The following CCDC178 variants were observed in gnomAD, a reference collection of about 807,000 sequenced individuals.
CCDC178 encodes coiled-coil domain containing 178, also known as coiled-coil domain-containing protein 178.
Under a neutral mutation model 117.4 loss-of-function variants are expected in CCDC178, and 126 were observed. The ratio of observed to expected loss-of-function variants is 1.07; its 90% confidence interval spans 0.93 to 1.24. The LOEUF is 1.24. Among genes scored for constraint, CCDC178 ranks in the 50% most tolerant of loss-of-function variants. The pLI is 0.00. For missense variants in CCDC178, 1,030 were observed against 986.9 expected, an observed-to-expected ratio of 1.04 and a Z score of -0.59; for synonymous variants, 283 against 313.4, an observed-to-expected ratio of 0.90 and a Z score of 1.02.
intron 15 of CCDC178, among the ~76,000 whole-genome samples, chr18:33,243,762 C>A (rs530577472): frequency 6.6e-6 from 1 of 151,314 alleles, no homozygotes; most frequent in Non-Finnish European, 1.5e-5. Flanking sequence ...GTGACAGCCA[C>A]GGGGAAAATA....
At chr18:33,109,316 C>T (rs891764958) in intron 20 of CCDC178, among the ~76,000 whole-genome samples, 4 of 151,514 alleles carry the variant, frequency 2.6e-5, no homozygotes, top group African/African-American at 9.7e-5. Context: ...AGCATTGAAA[C>T]CATAAAATGT....
rs568902335 is a variant in CCDC178 at position 33,268,482 on chromosome 18, C to T, written c.1177-1185G>A. On this transcript the variant is annotated intron_variant, in intron 12 of 22. Transcript: ENST00000383096. ...ATAATAACAAAAGTAATGTTTCAGACGAATAAAAATCTAAATGCAAACACA... is the reference window on the plus strand; with the variant it reads ...ATAATAACAAAAGTAATGTTTCAGATGAATAAAAATCTAAATGCAAACACA... Among the ~76,000 whole-genome samples, 133 of 151,742 alleles carry T rather than the reference C, an allele frequency of 8.8e-4. 1 individual carries two copies. The highest frequency in any genetic ancestry group is 1.7e-3 in the Non-Finnish European group (112 of 67,766).
intron 21 of CCDC178, among the ~76,000 whole-genome samples, chr18:33,064,627 T>C (rs924049095): frequency 6.6e-6 from 1 of 152,202 alleles, no homozygotes; most frequent in Non-Finnish European, 1.5e-5. Flanking sequence ...AATTGTAAGT[T>C]AGGACAGCTG....
chr18:33,303,920 T>C (rs1427496006), intron 11 of CCDC178, among the ~76,000 whole-genome samples: 1 of 152,144 alleles, frequency 6.6e-6, no homozygotes, highest in Non-Finnish European at 1.5e-5. Context: ...TGAAGCATCC[T>C]ATGCAGTTCA....
At chr18:33,373,691 C>CCTAT (rs1234973380) in intron 5 of CCDC178, among the ~76,000 whole-genome samples, 1 of 152,106 alleles carries the variant, frequency 6.6e-6, no homozygotes, top group Admixed American at 6.6e-5. Context: ...TTTATGTTTT[C>CCTAT]CTATCTATCT....
chr18:32,981,358 A>G (rs1251478923), intron 21 of CCDC178, among the ~76,000 whole-genome samples: 4 of 152,246 alleles, frequency 2.6e-5, no homozygotes, highest in East Asian at 3.8e-4. Flanking sequence ...GGGGAATAAT[A>G]ATAGGAAGAG....
chr18:33,096,825 A>T (rs748039601), intron 20 of CCDC178, among the ~76,000 whole-genome samples: 1 of 152,068 alleles, frequency 6.6e-6, no homozygotes, highest in Non-Finnish European at 1.5e-5. Flanking sequence ...TGAGAATTAG[A>T]AAAAGAGTAA....
rs946108734 is a variant in CCDC178 at position 33,005,687 on chromosome 18, T to C, written c.2389-31006A>G. Among the ~76,000 whole-genome samples, 56 of 152,078 alleles carry C rather than the reference T, an allele frequency of 3.7e-4. 1 individual carries two copies. Among genetic ancestry groups the C allele is most frequent in the East Asian group, 1.9e-4 (1 of 5,198 alleles). ...CCTAATTTACTCTGATTATTATGCA[T>C]TGAGTGCCTTTGTTAGACTATTTCA... On this transcript the variant is annotated intron_variant, in intron 21 of 22. Transcript: ENST00000383096.
chr18:33,172,479 A>C (rs773377354), intron 20 of CCDC178, among the ~76,000 whole-genome samples: 8 of 152,086 alleles, frequency 5.3e-5, no homozygotes, highest in Non-Finnish European at 1.0e-4. Context: ...AAGCTATAAT[A>C]ATCATGAAAA....
intron 20 of CCDC178, among the ~76,000 whole-genome samples, chr18:33,191,042 A>G (rs772776374): frequency 5.3e-5 from 8 of 152,148 alleles, no homozygotes; most frequent in Non-Finnish European, 8.8e-5. Context: ...AATTATATGT[A>G]TCAATTATAC....
At chr18:33,379,780 T>G (rs1293381460) in intron 5 of CCDC178, among the ~76,000 whole-genome samples, 1 of 151,848 alleles carries the variant, frequency 6.6e-6, no homozygotes, top group Non-Finnish European at 1.5e-5. Flanking sequence ...ACAAGAAAGG[T>G]AGGGTGGATC....
chr18:33,109,948 C>T (rs1314599577), intron 20 of CCDC178, among the ~76,000 whole-genome samples: 4 of 151,460 alleles, frequency 2.6e-5, no homozygotes, highest in South Asian at 2.1e-4. Flanking sequence ...TTTTGCTGCA[C>T]ATGTGCTCTA....
At chr18:32,997,021 C>A (rs2055525883) in intron 21 of CCDC178, among the ~76,000 whole-genome samples, 1 of 151,962 alleles carries the variant, frequency 6.6e-6, no homozygotes, top group Non-Finnish European at 1.5e-5. Context: ...CACAGCTCAC[C>A]CTCCCCCTCA....
chr18:33,123,607 T>C (rs907519513), intron 20 of CCDC178, among the ~76,000 whole-genome samples: 4 of 152,170 alleles, frequency 2.6e-5, no homozygotes, highest in Non-Finnish European at 5.9e-5. Flanking sequence ...AAATCCTTAA[T>C]TGAACATGGA....
chr18:33,191,531 T>A (rs2058857798), intron 20 of CCDC178, among the ~76,000 whole-genome samples: 1 of 152,174 alleles, frequency 6.6e-6, no homozygotes, highest in South Asian at 2.1e-4. Context: ...AGCGTTCTAT[T>A]AACGTAATGC....
chr18:33,125,692 T>C (rs952186081), intron 20 of CCDC178, among the ~76,000 whole-genome samples: 1 of 152,240 alleles, frequency 6.6e-6, no homozygotes, highest in East Asian at 1.9e-4. Context: ...AATAATCATA[T>C]AGTAAAGAGA....
At chr18:32,970,936 CAG>C (rs2054910718) in intron 22 of CCDC178, among the ~76,000 whole-genome samples, 1 of 151,972 alleles carries the variant, frequency 6.6e-6, no homozygotes, top group Non-Finnish European at 1.5e-5. Flanking sequence ...GGGAAGGACT[CAG>C]AATCATTTTG....
intron 9 of CCDC178, among the ~76,000 whole-genome samples, chr18:33,338,103 A>G (rs2062766073): frequency 6.6e-6 from 1 of 152,214 alleles, no homozygotes. Context: ...ATATGAGTAG[A>G]CAATTCTCAA....
intron 11 of CCDC178, among the ~76,000 whole-genome samples, chr18:33,322,837 T>C (rs1057048429): frequency 2.0e-5 from 3 of 151,404 alleles, no homozygotes; most frequent in African/African-American, 7.2e-5. Context: ...ATTTTGCTTA[T>C]ATGTATATGA....
Sources: gnomAD v4.1 joint callset for allele counts (sites outside exome capture counted in the v4.1 genomes callset) on GRCh38, gnomAD v4.1.1 for gene constraint, MANE v1.5 for transcripts, NCBI Gene and HGNC (gene_info 2026-07-23, HGNC 2026-07-21) for gene names.